Variants in BBS9 observed in about 807,000 individuals in gnomAD.
BBS9 encodes the protein Bardet-Biedl syndrome 9, also known as protein PTHB1.
A neutral mutation model predicts 117.7 loss-of-function variants in BBS9; 89 were observed. The ratio of observed to expected loss-of-function variants is 0.76; its 90% CI spans 0.64 to 0.90. The LOEUF (loss-of-function observed/expected upper bound fraction) is 0.90. BBS9 is among the 40% of genes least tolerant of loss of function. The pLI is 0.00. For missense variants in BBS9, 982 were observed against 1,042.2 expected (o/e 0.94, Z 0.80); for synonymous variants, 379 against 370.9 (o/e 1.02, Z -0.25).
chr7:33,634,322 G>A (rs1446852704), intron 21 of BBS9, among the ~76,000 whole-genome samples: 4 of 152,216 alleles, frequency 2.6e-5, no homozygotes, highest in East Asian at 1.9e-4. Context: ...GGTGGTGCAT[G>A]GAGCTTGTTT....
intron 19 of BBS9, among the ~76,000 whole-genome samples, chr7:33,487,212 C>G (rs1293374871): frequency 6.6e-6 from 1 of 152,132 alleles, no homozygotes; most frequent in South Asian, 2.1e-4. Flanking sequence ...CATTGTAATT[C>G]GTTGGTTTCT....
rs564470407 is a variant in BBS9 at position 33,407,209 on chromosome 7, C to T, written c.2115+19065C>T. Among the ~76,000 whole-genome samples the T allele has an allele frequency of 3.2e-3, 481 of 152,358 alleles. 6 individuals are homozygous for T. The highest frequency in any genetic ancestry group is 4.4e-3 in the Non-Finnish European group (302 of 68,042). On this transcript the variant is annotated intron_variant, in intron 19 of 22. Coordinates refer to ENST00000242067, the MANE Select transcript of BBS9 (RefSeq NM_198428.3). ...TCATCTTCCATCACTGATACCCTTT[C>T]TTCCTGTTGATTGCATTGGCTCCTG... is the stretch of plus-strand genomic sequence containing the variant.
chr7:33,174,788 T>A (rs147620583), intron 4 of BBS9, among the ~76,000 whole-genome samples: 2 of 152,212 alleles, frequency 1.3e-5, no homozygotes, highest in African/African-American at 4.8e-5. Context: ...AGGTGACTCT[T>A]GGAGCTGCTC....
At chr7:33,206,516 T>C (rs1484538198) in intron 5 of BBS9, among the ~76,000 whole-genome samples, 1 of 152,166 alleles carries the variant, frequency 6.6e-6, no homozygotes, top group East Asian at 1.9e-4. Flanking sequence ...TTAATATTTT[T>C]ACCTTATTTG....
intron 1 of BBS9, among the ~76,000 whole-genome samples, chr7:33,144,167 A>G (rs1292239696): frequency 3.9e-5 from 6 of 152,214 alleles, no homozygotes; most frequent in Non-Finnish European, 8.8e-5. Context: ...GTGGTGGCAC[A>G]GGAATTCAAA....
intron 21 of BBS9, among the ~76,000 whole-genome samples, chr7:33,564,440 A>C (rs907387805): frequency 1.3e-5 from 2 of 152,140 alleles, no homozygotes; most frequent in African/African-American, 2.4e-5. Flanking sequence ...AAGTAACTTA[A>C]CCTTTCTGGG....
chr7:33,217,383 C>T (rs116209609), intron 5 of BBS9, among the ~76,000 whole-genome samples: 1 of 152,022 alleles, frequency 6.6e-6, no homozygotes, highest in South Asian at 2.1e-4. Context: ...TTTATTAACA[C>T]TAAAGTTTTT....
chr7:33,400,164 T>C (rs1828670514), intron 19 of BBS9, among the ~76,000 whole-genome samples: 2 of 152,228 alleles, frequency 1.3e-5, no homozygotes, highest in South Asian at 4.1e-4. Context: ...AATAAACTAT[T>C]CTGAGTCAGA....
At chr7:33,539,166 C>T (rs1231365716) in intron 21 of BBS9, among the ~76,000 whole-genome samples, 1 of 152,082 alleles carries the variant, frequency 6.6e-6, no homozygotes, top group African/African-American at 2.4e-5. Flanking sequence ...TGTGAGTTTC[C>T]AGCCCAAGCT....
intron 19 of BBS9, among the ~76,000 whole-genome samples, chr7:33,407,612 C>T (rs538512774): frequency 2.0e-5 from 3 of 151,966 alleles, no homozygotes; most frequent in Non-Finnish European, 2.9e-5. Context: ...ATGGGTTTTT[C>T]GTGTGGATGT....
At chr7:33,610,429 TC>T (rs1380905559), downstream of BBS9, among the ~76,000 whole-genome samples, 1 of 152,092 alleles carries the variant, frequency 6.6e-6, no homozygotes, top group East Asian at 1.9e-4. Context: ...AGGGTCCAAC[TC>T]CCACTTCCAA....
At chr7:33,218,277 A>C (rs1196064651) in intron 5 of BBS9, among the ~76,000 whole-genome samples, 2 of 152,196 alleles carry the variant, frequency 1.3e-5, no homozygotes, top group Non-Finnish European at 2.9e-5. Context: ...GCTGGAAAAA[A>C]ATTTCAAATT....
At chr7:33,599,800 G>A (rs1221306165) in intron 21 of BBS9, among the ~76,000 whole-genome samples, 4 of 152,104 alleles carry the variant, frequency 2.6e-5, no homozygotes, top group Non-Finnish European at 5.9e-5. Context: ...ACATATAACA[G>A]CAATATTCCA....
intron 21 of BBS9, among the ~76,000 whole-genome samples, chr7:33,560,322 C>A (rs999093504): frequency 2.8e-4 from 43 of 151,684 alleles, no homozygotes; most frequent in African/African-American, 1.0e-3. Flanking sequence ...ACAAGATAAC[C>A]AAACTTACTT....
intron 20 of BBS9, among the ~76,000 whole-genome samples, chr7:33,532,446 T>C (rs1375258822): frequency 6.6e-6 from 1 of 152,186 alleles, no homozygotes; most frequent in Non-Finnish European, 1.5e-5. Flanking sequence ...CAGTTCTGCA[T>C]GGCTGGGGAG....
At chr7:33,576,814 C>A (rs1858975351) in intron 21 of BBS9, among the ~76,000 whole-genome samples, 1 of 152,072 alleles carries the variant, frequency 6.6e-6, no homozygotes, top group African/African-American at 2.4e-5. Context: ...AGAAAGAATT[C>A]CCTATTTAAA....
At chr7:33,547,758 C>T (rs1032613453) in intron 21 of BBS9, among the ~76,000 whole-genome samples, 2 of 152,108 alleles carry the variant, frequency 1.3e-5, no homozygotes, top group African/African-American at 2.4e-5. Context: ...TTTCATAGTT[C>T]TTTTACCTCC....
intron 19 of BBS9, among the ~76,000 whole-genome samples, chr7:33,479,935 G>A (rs568094218): frequency 5.9e-5 from 9 of 152,018 alleles, no homozygotes; most frequent in Non-Finnish European, 1.5e-5. Context: ...TTTGCTTGTT[G>A]ATTAAGTTCC....
At chr7:33,134,059 T>G (rs1562646734) in intron 1 of BBS9, among the ~76,000 whole-genome samples, 1 of 149,556 alleles carries the variant, frequency 6.7e-6, no homozygotes, top group African/African-American at 2.5e-5. Context: ...TGCTGAGCAT[T>G]TTTTTTTTGA....
Sources: gnomAD v4.1 joint callset for allele counts (sites outside exome capture counted in the v4.1 genomes callset) on GRCh38, gnomAD v4.1.1 for gene constraint, MANE v1.5 for transcripts, NCBI Gene and HGNC (gene_info 2026-07-23, HGNC 2026-07-21) for gene names.